L3MBTL4: variants seen among roughly 807,000 people sequenced by gnomAD.
L3MBTL4 encodes L3MBTL histone methyl-lysine binding protein 4, also known as lethal(3)malignant brain tumor-like protein 4.
A neutral mutation model predicts 84.5 loss-of-function variants in L3MBTL4; 70 were observed. That is an observed-to-expected ratio of 0.83 (90% CI 0.68 to 1.01). The LOEUF (loss-of-function observed/expected upper bound fraction) is 1.01, where lower values mean the gene tolerates loss of function less well. Ranked by LOEUF, L3MBTL4 falls within the 50% of genes least tolerant of loss-of-function variation. The pLI, the probability that L3MBTL4 is intolerant of heterozygous loss-of-function variation, is 0.00. For synonymous variants in L3MBTL4, 274 were observed against 259.8 expected (o/e 1.05, Z -0.52); for missense variants, 715 against 754.8 (o/e 0.95, Z 0.62).
At chr18:6,364,004 T>C (rs2053825011) in intron 1 of L3MBTL4, among the ~76,000 whole-genome samples, 1 of 152,172 alleles carries the variant, frequency 6.6e-6, no homozygotes, top group Non-Finnish European at 1.5e-5. Flanking sequence ...CAAACTGTGG[T>C]CCAAGGGCTC....
At chr18:6,052,531 A>G (rs1285766080) in intron 16 of L3MBTL4, among the ~76,000 whole-genome samples, 41 of 152,240 alleles carry the variant, frequency 2.7e-4, no homozygotes, top group Non-Finnish European at 8.8e-5. Flanking sequence ...AGTGGGGCTT[A>G]CTGCACTTCT....
rs1327432876 is a variant in L3MBTL4 at position 6,239,814 on chromosome 18, T to C, written c.611A>G (p.Lys204Arg). 1.9e-6 allele frequency: 3 copies of C among 1,614,120 alleles called. No individual in the cohort carries two copies. Among genetic ancestry groups the C allele is most frequent in the Non-Finnish European group, 2.5e-6 (3 of 1,180,038 alleles). ...CGCCACACACACCAAGGAAGGGTTC[T>C]TCCTGTCCACGGCCTCCAGCTTCAT... ...VGMKLEAVDR[K>R]NPSLVCVATI... The change falls in exon 9 of 19, where the codon AAG becomes AGG. Residue 204 changes from lysine (K) to arginine (R), a missense_variant. Physicochemically the swap from Lys to Arg is conservative, Grantham distance 26 (BLOSUM62 2). Coordinates refer to ENST00000317931, the MANE Select transcript of L3MBTL4 (RefSeq NM_001330559.2).
At chr18:6,248,671 T>C (rs1378813510) in intron 5 of L3MBTL4, among the ~76,000 whole-genome samples, 2 of 152,224 alleles carry the variant, frequency 1.3e-5, no homozygotes, top group East Asian at 1.9e-4. Flanking sequence ...CCCTTCTTTC[T>C]CACACAAAAG....
At chr18:6,266,149 A>G (rs1008604919) in intron 4 of L3MBTL4, among the ~76,000 whole-genome samples, 1 of 152,226 alleles carries the variant, frequency 6.6e-6, no homozygotes, top group African/African-American at 2.4e-5. Context: ...ATATATTAAG[A>G]CATTCATTTA....
chr18:6,019,971 A>G (rs1410356950), intron 16 of L3MBTL4, among the ~76,000 whole-genome samples: 1 of 152,204 alleles, frequency 6.6e-6, no homozygotes, highest in Non-Finnish European at 1.5e-5. Flanking sequence ...TGCATCATTT[A>G]TTCGGAAGTG....
intron 4 of L3MBTL4, among the ~76,000 whole-genome samples, chr18:6,272,659 C>T (rs1243079277): frequency 1.1e-5 from 1 of 91,136 alleles, no homozygotes; most frequent in African/African-American, 5.3e-5. Context: ...TCAACTAGGA[C>T]TGAATATAAG....
At chr18:6,004,247 G>A (rs1174982191) in intron 16 of L3MBTL4, among the ~76,000 whole-genome samples, 1 of 152,046 alleles carries the variant, frequency 6.6e-6, no homozygotes, top group Non-Finnish European at 1.5e-5. Context: ...TAGTGTGAAC[G>A]ACTGTCTGCC....
intron 16 of L3MBTL4, chr18:6,032,181 G>A (rs768901871): frequency 4.5e-5 from 16 of 351,852 alleles, no homozygotes; most frequent in East Asian, 1.7e-4. Context: ...GTTTCACTGC[G>A]TTGGCCAGGA....
At chr18:6,117,819 A>G (rs1324679763) in intron 14 of L3MBTL4, among the ~76,000 whole-genome samples, 1 of 152,252 alleles carries the variant, frequency 6.6e-6, no homozygotes, top group African/African-American at 2.4e-5. Flanking sequence ...GTAATGACAT[A>G]TTCTTAATAT....
chr18:6,104,658 A>C (rs928300277), intron 14 of L3MBTL4, among the ~76,000 whole-genome samples: 1 of 152,198 alleles, frequency 6.6e-6, no homozygotes, highest in East Asian at 1.9e-4. Flanking sequence ...GCTGTATAAC[A>C]TTGTGCCTAT....
At chr18:6,358,623 C>A (rs1338975582) in intron 1 of L3MBTL4, among the ~76,000 whole-genome samples, 1 of 152,216 alleles carries the variant, frequency 6.6e-6, no homozygotes, top group East Asian at 1.9e-4. Flanking sequence ...CCCCAGCCCA[C>A]CTTCCTGTGC....
chr18:6,218,804 G>A (rs1268730787), intron 10 of L3MBTL4, among the ~76,000 whole-genome samples: 2 of 152,172 alleles, frequency 1.3e-5, no homozygotes, highest in Admixed American at 1.3e-4. Flanking sequence ...TCCGACCCCA[G>A]CCCTGAGTCC....
intron 12 of L3MBTL4, among the ~76,000 whole-genome samples, chr18:6,192,684 C>G (rs1317832282): frequency 6.6e-6 from 1 of 152,094 alleles, no homozygotes; most frequent in African/African-American, 2.4e-5. Flanking sequence ...TCAATGACTG[C>G]CAGTCAGCAC....
At chr18:6,401,681 T>C (rs2055516898) in intron 1 of L3MBTL4, among the ~76,000 whole-genome samples, 1 of 151,954 alleles carries the variant, frequency 6.6e-6, no homozygotes, top group Non-Finnish European at 1.5e-5. Flanking sequence ...AAGGTGAGAG[T>C]CAATAGGAAA....
chr18:5,967,111 C>T (rs16949108), intron 17 of L3MBTL4, among the ~76,000 whole-genome samples: 3,503 of 152,306 alleles, frequency 0.023, 158 homozygotes, highest in East Asian at 0.2. Flanking sequence ...CGCATAAGAA[C>T]CCAGAACGGC....
chr18:6,398,517 C>G (rs915817651), intron 1 of L3MBTL4, among the ~76,000 whole-genome samples: 1 of 152,176 alleles, frequency 6.6e-6, no homozygotes, highest in African/African-American at 2.4e-5. Context: ...AGCTCATAAT[C>G]TGTTCTTTGC....
intron 18 of L3MBTL4, among the ~76,000 whole-genome samples, chr18:5,958,127 GAAA>G (rs1319412601): frequency 0.035 from 1,782 of 50,654 alleles, 63 homozygotes; most frequent in East Asian, 0.083. Context: ...AGAAGAAGAA[GAAA>G]AAGAAGAAGA....
At chr18:6,375,655 G>A (rs188143902) in intron 1 of L3MBTL4, among the ~76,000 whole-genome samples, 1 of 152,122 alleles carries the variant, frequency 6.6e-6, no homozygotes, top group Non-Finnish European at 1.5e-5. Flanking sequence ...AACGTCTGGG[G>A]CACAGGAGGT....
intron 5 of L3MBTL4, among the ~76,000 whole-genome samples, chr18:6,263,284 A>G (rs544236028): frequency 5.3e-5 from 8 of 151,468 alleles, no homozygotes; most frequent in African/African-American, 1.9e-4. Context: ...AAAAAAAAAA[A>G]GAAAAAAAAA....
Sources: allele counts gnomAD v4.1 joint callset (sites outside exome capture counted in the v4.1 genomes callset), GRCh38; gene constraint gnomAD v4.1.1; transcripts MANE v1.5; gene names NCBI Gene and HGNC (gene_info 2026-07-23, HGNC 2026-07-21).